Variants in GNAS observed in about 807,000 individuals in gnomAD.
GNAS encodes protein ALEX.
In GNAS, 8 loss-of-function variants were observed where a neutral mutation model predicts 54.5. That is an observed-to-expected ratio of 0.15 (90% CI 0.09 to 0.26). The LOEUF is 0.26. GNAS is among the 10% of genes least tolerant of loss of function. The pLI is 1.00. For synonymous variants in GNAS, 204 were observed against 191.4 expected (o/e 1.07, Z -0.54); for missense variants, 170 against 529.8 (o/e 0.32, Z 6.67).
intron 1 of GNAS, among the ~76,000 whole-genome samples, chr20:58,874,830 T>G (rs80014150): frequency 6.6e-6 from 1 of 152,248 alleles, no homozygotes; most frequent in Non-Finnish European, 1.5e-5. Context: ...CTAATGCAGA[T>G]AGAGATAGTC....
At chr20:58,867,661 C>T (rs1446164680) in intron 1 of GNAS, 1 of 152,254 alleles carries the variant, frequency 6.6e-6, no homozygotes, top group East Asian at 1.9e-4. Context: ...TCTAGGATTC[C>T]ATGAATTTGC....
chr20:58,841,676 A>G lies in GNAS; in HGVS notation c.43+790A>G, dbSNP rs55995056. 0.15 allele frequency: 174,495 copies of G among 1,168,290 alleles called. 13,581 individuals are homozygous for G. The highest frequency in any genetic ancestry group is 0.16 in the Non-Finnish European group (149,751 of 947,390). The allele number at this position is 1,168,290 out of a possible 1,614,324, so 72.4% of individuals were successfully genotyped here. Reference sequence around the variant, plus strand: ...GGTTAGGGGAAAGTACCTGGGGGAAAGGTAGAGGAGGTAAGGGGACCCTTG... The same window carrying G: ...GGTTAGGGGAAAGTACCTGGGGGAAGGGTAGAGGAGGTAAGGGGACCCTTG... On this transcript the variant is annotated intron_variant, in intron 1 of 12. Transcript: ENST00000306090. The surrounding 1 kb of genome is among the most constrained non-coding windows in gnomAD (Gnocchi z 5.0).
At chr20:58,850,786 C>T in intron 1 of GNAS, 1 of 398,872 alleles carries the variant, frequency 2.5e-6, no homozygotes, top group Non-Finnish European at 4.4e-6. Flanking sequence ...GGAAGAGTGA[C>T]CCCACGGCGC....
chr20:58,898,286 G>A (rs2090266311), intron 2 of GNAS: 1 of 152,030 alleles, frequency 6.6e-6, no homozygotes, highest in Admixed American at 6.6e-5. Context: ...TTCCGTGGTG[G>A]TGGTGGGTGG....
In GNAS at chr20:58,853,496, C is replaced by G; in HGVS notation, c.43+12610C>G. 2 of 1,613,212 alleles carry G rather than the reference C, an allele frequency of 1.2e-6. No individual in the cohort carries two copies. Among genetic ancestry groups the G allele is most frequent in the Admixed American group, 1.7e-5 (1 of 60,014 alleles). On this transcript the variant is annotated intron_variant, in intron 1 of 12. Coordinates refer to the GNAS transcript ENST00000306090. The surrounding 1 kb of genome is among the most constrained non-coding windows in gnomAD (Gnocchi z 4.4). ...GACCCCCAGAGGTCTCCAGACCCAA[C>G]TTTCAGGTCCTCAACCCGGCATTCA...
rs115546723 is a variant in GNAS at position 58,870,011 on chromosome 20, A to G, written c.44-25601A>G. On this transcript the variant is annotated intron_variant, in intron 1 of 12. Coordinates refer to the GNAS transcript ENST00000306090. ...GCACCACCCCACCCAGCAGCTGGAAAATGATGAGGTCATCTATTTGAGAAG... is the reference window on the plus strand; with the variant it reads ...GCACCACCCCACCCAGCAGCTGGAAGATGATGAGGTCATCTATTTGAGAAG... Among the ~76,000 whole-genome samples, 1,397 of 152,276 alleles carry G rather than the reference A, an allele frequency of 9.2e-3. 20 individuals carry two copies. The highest frequency in any genetic ancestry group is 0.032 in the African/African-American group (1,319 of 41,540).
At chr20:58,885,468 A>C (rs1053946347) in intron 1 of GNAS, among the ~76,000 whole-genome samples, 3 of 152,248 alleles carry the variant, frequency 2.0e-5, no homozygotes, top group Non-Finnish European at 4.4e-5. Context: ...GAGTTGATGG[A>C]TAATAAATAG....
In GNAS at chr20:58,873,808, C is replaced by A. The variant is rs1431079502; in HGVS notation, c.44-21804C>A. On this transcript the variant is annotated intron_variant, in intron 1 of 12. Transcript: ENST00000306090. The surrounding 1 kb of genome is among the most constrained non-coding windows in gnomAD (Gnocchi z 4.3). ...TGCTACTCCCTTGATGGAATCAAAA[C>A]AAACCCAGGAAGTTAACAAGAGTGG... Among the ~76,000 whole-genome samples the A allele has an allele frequency of 3.3e-5, 5 of 152,148 alleles. No individual in the cohort carries two copies. Among genetic ancestry groups the A allele is most frequent in the Non-Finnish European group, 7.3e-5 (5 of 68,030 alleles).
rs79320848 is a variant in GNAS, at chr20:58,857,837, A to C, written c.43+16951A>C. ...TCACCAGGAGTAAAAATTAACTTTA[A>C]GAAAAGGAAATTTGCTGGGGTCACC... On this transcript the variant is annotated intron_variant, in intron 1 of 12. Transcript: ENST00000306090. This position sits in a 1 kb window ranked among gnomAD's most constrained non-coding sequence, Gnocchi z 4.1. 0.014 allele frequency among the ~76,000 whole-genome samples: 2,131 copies of C among 152,268 alleles called. 21 individuals are homozygous for C. Among genetic ancestry groups the C allele is most frequent in the South Asian group, 0.03 (145 of 4,822 alleles).
upstream of GNAS, chr20:58,889,122 A>T (rs1284274275): frequency 1.3e-5 from 15 of 1,173,128 alleles, no homozygotes; most frequent in Non-Finnish European, 1.5e-5. Context: ...CGGTCCTCTG[A>T]AGAGGCTGGG....
chr20:58,852,210 C>T (rs971152291), intron 1 of GNAS, among the ~76,000 whole-genome samples: 2 of 152,104 alleles, frequency 1.3e-5, no homozygotes, highest in Non-Finnish European at 2.9e-5. Context: ...CAAGAGAGCA[C>T]CCTGCTTGCG....
At chr20:58,847,828 C>T (rs1476564803) in intron 1 of GNAS, among the ~76,000 whole-genome samples, 1 of 152,208 alleles carries the variant, frequency 6.6e-6, no homozygotes, top group Non-Finnish European at 1.5e-5. Flanking sequence ...CAGGTAGCTA[C>T]CTAAACTTGA....
chr20:58,903,445 T>A (rs1342388388), intron 3 of GNAS, 86 bp from the exon 4 acceptor site: 2 of 1,112,328 alleles, frequency 1.8e-6, no homozygotes, highest in South Asian at 1.3e-5. Flanking sequence ...AATACTATGC[T>A]TTTTAGTCGG....
intron 1 of GNAS, among the ~76,000 whole-genome samples, chr20:58,846,428 C>T (rs1295139303): frequency 6.6e-6 from 1 of 152,172 alleles, no homozygotes; most frequent in South Asian, 2.1e-4. Flanking sequence ...TCACTGTCCC[C>T]CTGAGAGTTT....
At chr20:58,869,168 G>C (rs368813163) in intron 1 of GNAS, among the ~76,000 whole-genome samples, 2 of 152,154 alleles carry the variant, frequency 1.3e-5, no homozygotes, top group Non-Finnish European at 2.9e-5. Context: ...CTGGTGCCCC[G>C]GTTCTCCTGG....
chr20:58,899,007 A>G (rs1352005351), intron 3 of GNAS, 22 bp downstream of exon 3: 10 of 1,592,980 alleles, frequency 6.3e-6, no homozygotes, highest in Non-Finnish European at 8.6e-7. Context: ...CAAAACCAGA[A>G]AAAATTGTTA....
intron 1 of GNAS, among the ~76,000 whole-genome samples, chr20:58,878,915 G>GTC: frequency 6.6e-6 from 1 of 151,256 alleles, no homozygotes; most frequent in African/African-American, 2.4e-5. Context: ...GTGCGGGTGG[G>GTC]GGGGGGAGGG....
chr20:58,907,381 A>G (rs369656062), intron 6 of GNAS, among the ~76,000 whole-genome samples: 75 of 152,194 alleles, frequency 4.9e-4, no homozygotes, highest in Non-Finnish European at 9.4e-4. Context: ...GATTTTCTCA[A>G]AAGTTCGAAC....
intron 2 of GNAS, among the ~76,000 whole-genome samples, chr20:58,896,638 A>G (rs567165160): frequency 1.3e-4 from 19 of 151,994 alleles, no homozygotes; most frequent in Non-Finnish European, 1.2e-4. Context: ...AAAAAAAGAA[A>G]AAGAAAAAAC....
Sources: allele counts gnomAD v4.1 joint callset (sites outside exome capture counted in the v4.1 genomes callset), GRCh38; gene constraint gnomAD v4.1.1; non-coding constraint Gnocchi (gnomAD v3.1); transcripts MANE v1.5; gene names NCBI Gene and HGNC (gene_info 2026-07-23, HGNC 2026-07-21).